ME3: variants seen among roughly 807,000 people sequenced by gnomAD.
The protein encoded by ME3 is NADP-dependent malic enzyme, mitochondrial.
A neutral mutation model predicts 68.9 loss-of-function variants in ME3; 48 were observed. The observed-to-expected ratio is 0.70, with a 90% CI of 0.55 to 0.89. The LOEUF is 0.89. ME3 is among the 40% of genes least tolerant of loss of function. ME3 has a pLI of 0.00. For missense variants in ME3, 675 were observed against 797.4 expected, an observed-to-expected ratio of 0.85 and a Z score of 1.85; for synonymous variants, 320 against 318.8, an observed-to-expected ratio of 1.00 and a Z score of -0.04.
intron 2 of ME3, among the ~76,000 whole-genome samples, chr11:86,642,525 T>C (rs187366622): frequency 1.1e-3 from 174 of 152,324 alleles, no homozygotes; most frequent in African/African-American, 4.0e-3. Flanking sequence ...GACCCCAATA[T>C]TCACAATACA....
intron 2 of ME3, among the ~76,000 whole-genome samples, chr11:86,568,964 C>T (rs1334398246): frequency 6.6e-6 from 1 of 152,234 alleles, no homozygotes; most frequent in East Asian, 1.9e-4. Flanking sequence ...TGGGCCTCTG[C>T]CTTGGGCAAG....
At chr11:86,521,414 AAAACAAAACAAAAC>A (rs1954282362) in intron 4 of ME3, among the ~76,000 whole-genome samples, 1 of 108,152 alleles carries the variant, frequency 9.2e-6, no homozygotes, top group Non-Finnish European at 2.0e-5. Flanking sequence ...CAAACAAAAC[AAAACAAAACAAAAC>A]AAAAATAATA....
chr11:86,655,837 G>A (rs368791038), intron 2 of ME3, among the ~76,000 whole-genome samples: 5,479 of 151,762 alleles, frequency 0.036, 297 homozygotes, highest in African/African-American at 0.12. Context: ...GAAAATTTTC[G>A]CAACCTACTC....
intron 10 of ME3, 149 bp from the exon 11 acceptor site, chr11:86,448,404 A>C: frequency 1.6e-6 from 1 of 633,144 alleles, no homozygotes; most frequent in South Asian, 1.9e-5. Context: ...CTTCTTGACT[A>C]CATTTCCTGG....
In ME3 at chr11:86,467,014, T is replaced by C. The variant is rs550982269; in HGVS notation, c.810-1814A>G. On this transcript the variant is annotated intron_variant, in intron 7 of 14. Transcript: ENST00000543262. ...GGTTAAAAGCTGAGGGTGAGGTTTT[T>C]CCCCCAGCTTTACTGAGGCATAATT... Among the ~76,000 whole-genome samples the C allele has an allele frequency of 2.0e-3, 304 of 152,332 alleles. 4 individuals are homozygous for C. The highest frequency in any genetic ancestry group is 4.1e-4 in the South Asian group (2 of 4,828).
chr11:86,506,596 T>C (rs1052457161), intron 5 of ME3, among the ~76,000 whole-genome samples: 22 of 152,318 alleles, frequency 1.4e-4, no homozygotes, highest in African/African-American at 5.3e-4. Context: ...CATCATTCTT[T>C]CTAGTTCCTC....
In ME3 at chr11:86,598,887, G is replaced by T. The variant is rs181671685; in HGVS notation, c.184-39064C>A. 3.2e-3 allele frequency among the ~76,000 whole-genome samples: 480 copies of T among 152,252 alleles called. 2 individuals are homozygous for T. The highest frequency in any genetic ancestry group is 0.01 in the African/African-American group (432 of 41,548). The stretch of plus-strand genomic sequence containing the variant: ...AAACTCCAACAGACCTGCAGGTGAG[G>T]GTCCTGTCTGTTAGAAGGAAAACTA... On this transcript the variant is annotated intron_variant, in intron 2 of 14. Transcript: ENST00000543262.
chr11:86,635,265 G>C (rs964503195), intron 2 of ME3, among the ~76,000 whole-genome samples: 3 of 152,162 alleles, frequency 2.0e-5, no homozygotes, highest in African/African-American at 7.2e-5. Flanking sequence ...GAACAGGGAG[G>C]GACATCAAAG....
At chr11:86,621,535 A>G (rs917865679) in intron 2 of ME3, among the ~76,000 whole-genome samples, 1 of 152,052 alleles carries the variant, frequency 6.6e-6, no homozygotes, top group Non-Finnish European at 1.5e-5. Context: ...TTCTAAAGTT[A>G]AATCAGGAGT....
Position 86,667,513 on chromosome 11 carries a change from G to T in ME3, c.183+4249C>A, listed in dbSNP as rs554925643. ...GATTAATGAAGTTGAGAGGAAAGGGGCCATGACATGATTGAAATCATTTAA... is the reference window on the plus strand; with the variant it reads ...GATTAATGAAGTTGAGAGGAAAGGGTCCATGACATGATTGAAATCATTTAA... On this transcript the variant is annotated intron_variant, in intron 2 of 14. Transcript: ENST00000543262. Among the ~76,000 whole-genome samples, 16 of 152,292 alleles carry T rather than the reference G, an allele frequency of 1.1e-4. No individual in the cohort carries two copies. In the South Asian group the frequency reaches 3.1e-3, roughly 30 times the overall value.
At chr11:86,634,838 T>TG (rs1944232552) in intron 2 of ME3, among the ~76,000 whole-genome samples, 1 of 152,228 alleles carries the variant, frequency 6.6e-6, no homozygotes, top group Non-Finnish European at 1.5e-5. Context: ...ACTGAAACTG[T>TG]GATTGATAAC....
At chr11:86,508,699 A>G in intron 5 of ME3, 93 bp downstream of exon 5, 3 of 1,227,154 alleles carry the variant, frequency 2.4e-6, no homozygotes. Flanking sequence ...CTTCAGTGTC[A>G]TAATGGCTCA....
intron 2 of ME3, among the ~76,000 whole-genome samples, chr11:86,561,534 A>C (rs1394556187): frequency 6.6e-6 from 1 of 152,190 alleles, no homozygotes; most frequent in Admixed American, 6.5e-5. Flanking sequence ...AGTTCATACT[A>C]ATGTCTCCAA....
chr11:86,495,103 G>A (rs1056966002), intron 6 of ME3, among the ~76,000 whole-genome samples: 1 of 152,186 alleles, frequency 6.6e-6, no homozygotes, highest in Non-Finnish European at 1.5e-5. Flanking sequence ...ATTAGGCACA[G>A]GTGTAATGTG....
intron 2 of ME3, among the ~76,000 whole-genome samples, chr11:86,607,829 C>A (rs1209405437): frequency 6.6e-6 from 1 of 151,978 alleles, no homozygotes; most frequent in Non-Finnish European, 1.5e-5. Flanking sequence ...TACGCCTACT[C>A]CCCGTTCGAC....
At chr11:86,554,128 A>T (rs1222747479) in intron 4 of ME3, among the ~76,000 whole-genome samples, 2 of 152,206 alleles carry the variant, frequency 1.3e-5, no homozygotes, top group Non-Finnish European at 2.9e-5. Context: ...CTCTGGAGGC[A>T]AATTCTACTT....
At chr11:86,513,941 G>A (rs1953714015) in intron 4 of ME3, among the ~76,000 whole-genome samples, 2 of 152,114 alleles carry the variant, frequency 1.3e-5, no homozygotes, top group Non-Finnish European at 2.9e-5. Context: ...ATGATATGGT[G>A]GTTCTGGGTC....
intron 4 of ME3, among the ~76,000 whole-genome samples, chr11:86,510,922 C>G (rs1443443896): frequency 6.6e-6 from 1 of 152,196 alleles, no homozygotes; most frequent in Non-Finnish European, 1.5e-5. Context: ...CAAGACAAAA[C>G]TGATTCTCTT....
At chr11:86,450,929 A>C (rs1949597451) in intron 8 of ME3, among the ~76,000 whole-genome samples, 1 of 152,242 alleles carries the variant, frequency 6.6e-6, no homozygotes, top group Admixed American at 6.5e-5. Flanking sequence ...TAGGTGGCTC[A>C]GATTCATTTG....
Sources: allele counts gnomAD v4.1 joint callset (sites outside exome capture counted in the v4.1 genomes callset), GRCh38; gene constraint gnomAD v4.1.1; transcripts MANE v1.5; gene names NCBI Gene and HGNC (gene_info 2026-07-23, HGNC 2026-07-21).